Variants in IFT74 observed in about 807,000 individuals in gnomAD.
IFT74 encodes intraflagellar transport 74, also known as intraflagellar transport protein 74 homolog.
Under a neutral mutation model 96.7 loss-of-function variants are expected in IFT74, and 92 were observed. That is an observed-to-expected ratio of 0.95 (90% CI 0.80 to 1.13). The LOEUF (loss-of-function observed/expected upper bound fraction) is 1.13, where lower values mean the gene tolerates loss of function less well. Ranked by LOEUF, IFT74 falls within the 50% of genes most tolerant of loss-of-function variation. The pLI is 0.00. For synonymous variants in IFT74, 223 were observed against 213.2 expected, an observed-to-expected ratio of 1.05 and a Z score of -0.40; for missense variants, 811 against 698.2, an observed-to-expected ratio of 1.16 and a Z score of -1.82.
chr9:27,047,629 G>C (rs1819750107), intron 15 of IFT74, among the ~76,000 whole-genome samples: 1 of 152,088 alleles, frequency 6.6e-6, no homozygotes, highest in Non-Finnish European at 1.5e-5. Context: ...CACTAATTCA[G>C]AGTAATTATT....
At chr9:27,010,845 G>A (rs1829034111) in intron 9 of IFT74, among the ~76,000 whole-genome samples, 1 of 152,094 alleles carries the variant, frequency 6.6e-6, no homozygotes, top group South Asian at 2.1e-4. Flanking sequence ...CCTGTTGAGG[G>A]CATATTGAGA....
intron 13 of IFT74, among the ~76,000 whole-genome samples, chr9:27,032,792 G>A (rs1370632355): frequency 1.3e-5 from 2 of 151,912 alleles, no homozygotes; most frequent in African/African-American, 4.8e-5. Flanking sequence ...CTTGAACTCG[G>A]GAGGCAGAGG....
chr9:27,044,566 A>T lies in IFT74; in HGVS notation c.1055-176A>T, dbSNP rs72703121. Among the ~76,000 whole-genome samples, 13,440 of 152,268 alleles carry T rather than the reference A, an allele frequency of 0.088. 644 individuals are homozygous for T. The highest frequency in any genetic ancestry group is 0.23 in the South Asian group (1,088 of 4,828). ...ATTGTTTGTTCCACATATTCAAGTT[A>T]CATGCATATGTCTACTTGAAAAGTC... On this transcript the variant is annotated intron_variant, in intron 13 of 19. Coordinates refer to ENST00000380062, the MANE Select transcript of IFT74 (RefSeq NM_025103.4).
At chr9:27,053,855 A>C (rs893905476) in intron 16 of IFT74, among the ~76,000 whole-genome samples, 2 of 152,254 alleles carry the variant, frequency 1.3e-5, no homozygotes, top group African/African-American at 4.8e-5. Context: ...GAGCATTAAA[A>C]TAGCATAAGC....
At chr9:27,055,577 A>G in intron 16 of IFT74, 32 bp from the exon 17 acceptor site, 1 of 1,483,844 alleles carries the variant, frequency 6.7e-7, no homozygotes, top group Non-Finnish European at 9.0e-7. Context: ...TAAAATTTTG[A>G]TTAATTATCA....
chr9:27,059,476 G>T (rs1319733752), intron 18 of IFT74, among the ~76,000 whole-genome samples: 2 of 152,164 alleles, frequency 1.3e-5, no homozygotes, highest in Non-Finnish European at 2.9e-5. Flanking sequence ...CACTTAACAG[G>T]TCTGATGCAT....
At chr9:26,958,312 C>T (rs1826209908) in intron 1 of IFT74, among the ~76,000 whole-genome samples, 1 of 152,086 alleles carries the variant, frequency 6.6e-6, no homozygotes, top group Admixed American at 6.5e-5. Flanking sequence ...GGCCTATACA[C>T]TGAAATTGAA....
upstream of IFT74, among the ~76,000 whole-genome samples, chr9:26,954,712 G>A (rs1826026709): frequency 6.6e-6 from 1 of 151,712 alleles, no homozygotes; most frequent in Non-Finnish European, 1.5e-5. Flanking sequence ...AAGATTCCAG[G>A]AAGAGAGAAT....
intron 10 of IFT74, 54 bp from the exon 11 acceptor site, chr9:27,016,853 G>A (rs1829365636): frequency 1.4e-6 from 2 of 1,399,426 alleles, no homozygotes; most frequent in Admixed American, 4.5e-5. Context: ...ACCTATTTTA[G>A]AATAATTATT....
intron 8 of IFT74, among the ~76,000 whole-genome samples, chr9:26,997,572 G>A (rs1277526662): frequency 1.3e-5 from 2 of 152,160 alleles, no homozygotes; most frequent in Non-Finnish European, 2.9e-5. Flanking sequence ...GACCTCAGGT[G>A]ATCCCCCTGC....
At position 27,016,942 on chromosome 9, in the gene IFT74, A is replaced by G; in HGVS notation, c.825A>G (p.Val275=). ...ACTCCCAGGTGAAACAGGAGGCGGTATTGCTGCATGAAAAACTTTATGAGT... is the reference window on the plus strand; with the variant it reads ...ACTCCCAGGTGAAACAGGAGGCGGTGTTGCTGCATGAAAAACTTTATGAGT... ...IAHSQVKQEA[V]LLHEKLYELE... Residue 275 remains valine (V), a synonymous_variant, in exon 11 of 20, where the codon GTA becomes GTG. Transcript: ENST00000380062. 6.2e-7 allele frequency: 1 copy of G among 1,609,936 alleles called. No individual in the cohort carries two copies. The highest frequency in any genetic ancestry group is 8.5e-7 in the Non-Finnish European group (1 of 1,177,828).
Position 26,976,577 on chromosome 9 carries a change from C to A in IFT74, c.121-1551C>A, listed in dbSNP as rs553704313. ...GGGGAGAGGAGGAAGGGGTCATCTACAGAGGACTAGAGAGCCAGTCTTTTC... is the reference window on the plus strand; with the variant it reads ...GGGGAGAGGAGGAAGGGGTCATCTAAAGAGGACTAGAGAGCCAGTCTTTTC... On this transcript the variant is annotated intron_variant, in intron 2 of 19. Transcript: ENST00000380062. 95 of 354,450 alleles carry A rather than the reference C, an allele frequency of 2.7e-4. 1 individual carries two copies. The highest frequency in any genetic ancestry group is 2.0e-3 in the South Asian group (91 of 44,446). The allele number at this position is 354,450 out of a possible 1,614,324, so 22.0% of individuals were successfully genotyped here.
chr9:27,008,922 TTAAG>T, intron 8 of IFT74, 94 bp from the exon 9 acceptor site: 1 of 917,566 alleles, frequency 1.1e-6, no homozygotes, highest in South Asian at 2.0e-5. Flanking sequence ...TTGAATGTCT[TTAAG>T]TATCCTATTA....
rs375065015 is a variant in IFT74 at position 27,053,124 on chromosome 9, A to G, written c.1334-2485A>G. ...GTGATCCGCCCGCCTCGGCCTCCCA[A>G]AATGCTGGGATTACAGGCGTGAGCA... On this transcript the variant is annotated intron_variant, in intron 16 of 19. Coordinates refer to ENST00000380062, the MANE Select transcript of IFT74 (RefSeq NM_025103.4). 2.5e-4 allele frequency among the ~76,000 whole-genome samples: 37 copies of G among 149,204 alleles called. No individual in the cohort carries two copies. In the East Asian group the frequency reaches 7.3e-3, roughly 29 times the overall value.
At chr9:26,986,309 TTTGTTTTTTTG>T (rs1341017661) in intron 6 of IFT74, among the ~76,000 whole-genome samples, 1 of 151,948 alleles carries the variant, frequency 6.6e-6, no homozygotes, top group Non-Finnish European at 1.5e-5. Context: ...GGTTTTGTTT[TTTGTTTTTTTG>T]TTGTTTTTTT....
chr9:26,993,378 A>G (rs1288039910), intron 8 of IFT74: 1 of 152,396 alleles, frequency 6.6e-6, no homozygotes, highest in Non-Finnish European at 1.5e-5. Context: ...GGTTTAAAAC[A>G]AAGTATAATT....
At position 27,057,867 on chromosome 9, in the gene IFT74, A is replaced by C. The variant is rs969145778; in HGVS notation, c.1623+1408A>C. On this transcript the variant is annotated intron_variant, in intron 18 of 19. Coordinates refer to ENST00000380062, the MANE Select transcript of IFT74 (RefSeq NM_025103.4). ...AGCGAGACTCTGTCTCAAAAAAAAA[A>C]CAAAACTCTCTTTTTCTTCATATGG... Among the ~76,000 whole-genome samples the C allele has an allele frequency of 4.6e-5, 7 of 152,050 alleles. No individual in the cohort carries two copies. The East Asian group carries it at 7.7e-4, about 17-fold the overall frequency.
At chr9:26,948,510 G>A (rs956281678) in intron 1 of IFT74, among the ~76,000 whole-genome samples, 1 of 114,594 alleles carries the variant, frequency 8.7e-6, no homozygotes, top group Non-Finnish European at 1.7e-5. Flanking sequence ...TCGCTCTGCT[G>A]CCAGGCTGAG....
intron 5 of IFT74, 47 bp downstream of exon 5, chr9:26,984,402 TACTA>T (rs776928649): frequency 3.8e-6 from 6 of 1,580,084 alleles, no homozygotes; most frequent in East Asian, 2.2e-5. Flanking sequence ...GTGCTTATAA[TACTA>T]ACTTTGTAGC....
Sources: gnomAD v4.1 joint callset for allele counts (sites outside exome capture counted in the v4.1 genomes callset) on GRCh38, gnomAD v4.1.1 for gene constraint, MANE v1.5 for transcripts, NCBI Gene and HGNC (gene_info 2026-07-23, HGNC 2026-07-21) for gene names.